TMEM63B: variants seen among roughly 807,000 people sequenced by gnomAD.
The protein encoded by TMEM63B is transmembrane protein 63B.
Under a neutral mutation model 102.6 loss-of-function variants are expected in TMEM63B, and 23 were observed. That is an observed-to-expected ratio of 0.22 (90% CI 0.16 to 0.32). The LOEUF (loss-of-function observed/expected upper bound fraction) is 0.32, where lower values mean the gene tolerates loss of function less well. Among genes scored for constraint, TMEM63B ranks in the 10% least tolerant of loss-of-function variants. TMEM63B has a pLI of 1.00. For synonymous variants in TMEM63B, 444 were observed against 437.0 expected, an observed-to-expected ratio of 1.02 and a Z score of -0.20; for missense variants, 628 against 1,095.9, an observed-to-expected ratio of 0.57 and a Z score of 6.03.
At chr6:44,149,142 G>A in intron 15 of TMEM63B, 197 bp downstream of exon 15, 3 of 704,766 alleles carry the variant, frequency 4.3e-6, no homozygotes, top group Non-Finnish European at 4.8e-6. Flanking sequence ...CCACCCTCAG[G>A]TGTGCAACAC....
chr6:44,132,234 GTTGTGGAGGGGA>G, intron 1 of TMEM63B: 1 of 984,544 alleles, frequency 1.0e-6, no homozygotes, highest in Middle Eastern at 5.2e-4. Flanking sequence ...GATTAATGCT[GTTGTGGAGGGGA>G]GAGTACTTTG....
chr6:44,139,864 C>T (rs1763873820), intron 8 of TMEM63B, 105 bp downstream of exon 8: 5 of 1,443,260 alleles, frequency 3.5e-6, no homozygotes, highest in South Asian at 3.4e-5. Context: ...GCAGAGCCTA[C>T]AGGGATGGCT....
chr6:44,127,948 C>A (rs920478130), intron 1 of TMEM63B: 3 of 151,750 alleles, frequency 2.0e-5, no homozygotes, highest in Admixed American at 6.6e-5. Flanking sequence ...AAGGGTGGGA[C>A]CCCCGCCCCC....
At chr6:44,127,947 ACCCCCG>A (rs1777516188) in intron 1 of TMEM63B, 1 of 148,430 alleles carries the variant, frequency 6.7e-6, no homozygotes, top group Non-Finnish European at 1.5e-5. Context: ...AAAGGGTGGG[ACCCCCG>A]CCCCCGGCCC....
Position 44,148,205 on chromosome 6 carries a change from A to C in TMEM63B, c.988-47A>C, listed in dbSNP as rs775491740. On this transcript the variant is annotated intron_variant, in intron 12 of 23. Coordinates refer to ENST00000323267, the MANE Select transcript of TMEM63B (RefSeq NM_018426.3). This position sits in a 1 kb window ranked among gnomAD's most constrained non-coding sequence, Gnocchi z 5.1. ...GCGTGGGCTGGATGCTGCAGGCCCC[A>C]GCCTGGCTTTCCAACTAGAGGCCCT... The C allele has an allele frequency of 6.2e-7, 1 of 1,609,676 alleles. No individual in the cohort carries two copies. Among genetic ancestry groups the C allele is most frequent in the South Asian group, 1.1e-5 (1 of 90,844 alleles).
intron 15 of TMEM63B, chr6:44,149,298 C>T (rs556628509): frequency 2.1e-5 from 8 of 379,006 alleles, no homozygotes; most frequent in Middle Eastern, 8.3e-4. Context: ...ATCTCTTTAT[C>T]GGTGTGAAAC....
In TMEM63B at chr6:44,127,657, G is replaced by C. The variant is rs1283548667; in HGVS notation, c.-46G>C. The C allele has an allele frequency of 7.3e-6, 1 of 136,938 alleles. No homozygotes were observed. Among genetic ancestry groups the C allele is most frequent in the Non-Finnish European group, 1.6e-5 (1 of 63,442 alleles). The allele number at this position is 136,938 out of a possible 1,614,324, so 8.5% of individuals were successfully genotyped here. On this transcript the variant is annotated 5_prime_UTR_variant, in exon 1 of 24. Transcript: ENST00000323267. Reference sequence around the variant, plus strand: ...CCGCCCCAACCCGGGGCTCCGAGCCGGAGCCGAGTCTGCGCCTGGGGGTGA... The same window carrying C: ...CCGCCCCAACCCGGGGCTCCGAGCCCGAGCCGAGTCTGCGCCTGGGGGTGA...
chr6:44,138,473 C>T lies in TMEM63B; in HGVS notation c.370-7C>T. ...GGACTCCCGCTGACAGCCCTCTGTT[C>T]CCCCAGGGTTTCTGTTCCTGGCTGA... On this transcript the variant is annotated splice_polypyrimidine_tract_variant and splice_region_variant and intron_variant, in intron 5 of 23. Coordinates refer to ENST00000323267, the MANE Select transcript of TMEM63B (RefSeq NM_018426.3). 1.2e-6 allele frequency: 2 copies of T among 1,613,914 alleles called. No homozygotes were observed. Among genetic ancestry groups the T allele is most frequent in the Non-Finnish European group, 1.7e-6 (2 of 1,179,964 alleles).
At position 44,130,016 on chromosome 6, in the gene TMEM63B, A is replaced by G. The variant is rs766182236; in HGVS notation, c.-25+2338A>G. ...CACCAGACTATGGTGCCTGTCCCCT[A>G]TGCCTGCCTCAGAACCTGAAATCAC... On this transcript the variant is annotated intron_variant, in intron 1 of 23. Transcript: ENST00000323267. Among the ~76,000 whole-genome samples, 5 of 152,336 alleles carry G rather than the reference A, an allele frequency of 3.3e-5. No homozygotes were observed. The East Asian group carries it at 5.8e-4, about 18-fold the overall frequency.
In TMEM63B at chr6:44,150,266, C is replaced by T. The variant is rs768901886; in HGVS notation, c.1563C>T (p.Phe521=). Residue 521 remains phenylalanine (F), a synonymous_variant, in exon 17 of 24, where the codon TTC becomes TTT. Coordinates refer to ENST00000323267, the MANE Select transcript of TMEM63B (RefSeq NM_018426.3). The surrounding 1 kb of genome is among the most constrained non-coding windows in gnomAD (Gnocchi z 4.7). ...CAACCATGCACAAGTGCTACACTTT[C>T]CTCATCTTCATGGTGCTGCTCCTAC... ...NRTTMHKCYT[F]LIFMVLLLPS... is the part of the protein sequence containing the mutation. 1 of 1,614,116 alleles carries T rather than the reference C, an allele frequency of 6.2e-7. No individual in the cohort carries two copies. Among genetic ancestry groups the T allele is most frequent in the South Asian group, 1.1e-5 (1 of 91,092 alleles).
At chr6:44,127,148 G>C (rs536931889), upstream of TMEM63B, 3 of 149,750 alleles carry the variant, frequency 2.0e-5, no homozygotes, top group South Asian at 6.4e-4. Flanking sequence ...CCGGGTAAGG[G>C]GCCTCCCCTC....
rs1766244299 is a variant in TMEM63B, at chr6:44,149,965, G to A, written c.1520G>A (p.Arg507His). ...YSAFFEAHWT[R>H]SGENRTTMHK... ...GCCTTCTTTGAAGCCCACTGGACACGGTAAGGTGCCTCCACTCACACCACA... is the reference window on the plus strand; with the variant it reads ...GCCTTCTTTGAAGCCCACTGGACACAGTAAGGTGCCTCCACTCACACCACA... The change falls in exon 16 of 24, where the codon CGC becomes CAC. Residue 507 changes from arginine to histidine, a missense_variant and splice_region_variant. Around this residue, in one of 6 missense-constraint regions of TMEM63B, gnomAD observed 61 missense variants for 176.0 expected, o/e 0.35. Transcript: ENST00000323267. 11 of 1,612,458 alleles carry A rather than the reference G, an allele frequency of 6.8e-6. No homozygotes were observed. Among genetic ancestry groups the A allele is most frequent in the Non-Finnish European group, 9.3e-6 (11 of 1,179,252 alleles).
chr6:44,153,915 A>G, intron 21 of TMEM63B, 72 bp downstream of exon 21: 1 of 1,579,768 alleles, frequency 6.3e-7, no homozygotes, highest in Non-Finnish European at 8.6e-7. Context: ...GCCACAGGAG[A>G]AGCCGCATGG....
chr6:44,138,740 C>CCCCA (rs1181663084), intron 6 of TMEM63B: 10 of 401,416 alleles, frequency 2.5e-5, no homozygotes, highest in Non-Finnish European at 4.2e-5. Context: ...CTGCCGGCCC[C>CCCCA]CCCGCTTCTC....
intron 10 of TMEM63B, among the ~76,000 whole-genome samples, chr6:44,144,853 C>G (rs1035015000): frequency 6.6e-6 from 1 of 152,026 alleles, no homozygotes; most frequent in Non-Finnish European, 1.5e-5. Context: ...CTGTCTCAGC[C>G]TCTCAAAGTT....
chr6:44,146,973 C>T (rs760591650), intron 11 of TMEM63B, 46 bp downstream of exon 11: 1 of 1,594,390 alleles, frequency 6.3e-7, no homozygotes, highest in East Asian at 2.2e-5. Flanking sequence ...GGCCCCCTGC[C>T]ATTGTGGAGG....
chr6:44,136,975 G>A (rs569413609), intron 5 of TMEM63B, among the ~76,000 whole-genome samples: 1 of 152,280 alleles, frequency 6.6e-6, no homozygotes, highest in Non-Finnish European at 1.5e-5. Context: ...AACGCGGGAG[G>A]CGGAGCTTGC....
intron 20 of TMEM63B, among the ~76,000 whole-genome samples, chr6:44,153,210 C>A (rs942391627): frequency 2.6e-5 from 4 of 152,198 alleles, no homozygotes; most frequent in African/African-American, 9.7e-5. Flanking sequence ...ACCATCACCC[C>A]CACTGGTAGC....
chr6:44,154,286 A>G, intron 22 of TMEM63B, 79 bp from the exon 23 acceptor site: 1 of 1,600,334 alleles, frequency 6.2e-7, no homozygotes, highest in South Asian at 1.1e-5. Flanking sequence ...GGCAGCGCCA[A>G]CAGGGCCAAG....
Sources: allele counts gnomAD v4.1 joint callset (sites outside exome capture counted in the v4.1 genomes callset), GRCh38; gene constraint gnomAD v4.1.1; regional missense constraint gnomAD v4.1.1; non-coding constraint Gnocchi (gnomAD v3.1); transcripts MANE v1.5; gene names NCBI Gene and HGNC (gene_info 2026-07-23, HGNC 2026-07-21).